The following DPYD variants were observed in gnomAD, a reference collection of about 807,000 sequenced individuals.
DPYD encodes dihydropyrimidine dehydrogenase.
Under a neutral mutation model 116.2 loss-of-function variants are expected in DPYD, and 109 were observed. The observed-to-expected ratio is 0.94, with a 90% confidence interval of 0.80 to 1.10. The LOEUF is 1.10. Ranked by LOEUF, DPYD falls within the 50% of genes least tolerant of loss-of-function variation. The pLI, the probability that DPYD is intolerant of heterozygous loss-of-function variation, is 0.00. For synonymous variants in DPYD, 440 were observed against 432.0 expected, an observed-to-expected ratio of 1.02 and a Z score of -0.23; for missense variants, 1,302 against 1,254.5, an observed-to-expected ratio of 1.04 and a Z score of -0.57.
At chr1:97,671,154 A>G (rs184977390) in intron 8 of DPYD, among the ~76,000 whole-genome samples, 103 of 152,174 alleles carry the variant, frequency 6.8e-4, no homozygotes, top group African/African-American at 2.3e-3. Context: ...CTTTTTTACA[A>G]TAATACGGAA....
intron 12 of DPYD, among the ~76,000 whole-genome samples, chr1:97,519,390 CA>C (rs1320850702): frequency 1.3e-5 from 2 of 152,126 alleles, no homozygotes; most frequent in Non-Finnish European, 2.9e-5. Context: ...GAGAACAGCA[CA>C]GGAAAGACCT....
chr1:97,768,407 T>C lies in DPYD; in HGVS notation c.234-27928A>G, dbSNP rs1665982374. Among the ~76,000 whole-genome samples, 7 of 152,192 alleles carry C rather than the reference T, an allele frequency of 4.6e-5. No individual in the cohort carries two copies. In the South Asian group the frequency reaches 1.4e-3, roughly 31 times the overall value. On this transcript the variant is annotated intron_variant, in intron 3 of 22. Coordinates refer to ENST00000370192, the MANE Select transcript of DPYD (RefSeq NM_000110.4). ...TGAATTGATTCTAAATACACTTTTTTGCAAGCATTGCCCAACATCATTATA... is the reference window on the plus strand; with the variant it reads ...TGAATTGATTCTAAATACACTTTTTCGCAAGCATTGCCCAACATCATTATA...
chr1:97,889,717 A>G (rs1244990338), intron 1 of DPYD, among the ~76,000 whole-genome samples: 1 of 152,074 alleles, frequency 6.6e-6, no homozygotes, highest in Non-Finnish European at 1.5e-5. Context: ...AAGACCAAAA[A>G]GGAAACAGAA....
At chr1:97,415,051 CTTCCTAAAGCTATAAAAGA>C (rs1386833328) in intron 14 of DPYD, among the ~76,000 whole-genome samples, 8 of 152,066 alleles carry the variant, frequency 5.3e-5, no homozygotes, top group African/African-American at 1.9e-4. Flanking sequence ...TGAAGCTACC[CTTCCTAAAGCTATAAAAGA>C]AGAAGGAGAA....
intron 22 of DPYD, among the ~76,000 whole-genome samples, chr1:97,080,061 G>C (rs990082415): frequency 8.6e-5 from 13 of 152,024 alleles, no homozygotes; most frequent in African/African-American, 3.1e-4. Flanking sequence ...GGAAGTTACA[G>C]GATTTCTATC....
At chr1:97,129,069 C>CTTT (rs532541559) in intron 20 of DPYD, among the ~76,000 whole-genome samples, 1,396 of 135,008 alleles carry the variant, frequency 0.01, 26 homozygotes, top group African/African-American at 0.035. Flanking sequence ...CTGCTGTATT[C>CTTT]TTTTTTTTTT....
intron 11 of DPYD, among the ~76,000 whole-genome samples, chr1:97,563,090 C>A (rs942552979): frequency 6.6e-6 from 1 of 152,086 alleles, no homozygotes; most frequent in Admixed American, 6.6e-5. Context: ...GAGTCAAGAA[C>A]AGAAACACAA....
chr1:97,629,832 T>C (rs886781340), intron 8 of DPYD, among the ~76,000 whole-genome samples: 3 of 152,116 alleles, frequency 2.0e-5, no homozygotes, highest in East Asian at 1.9e-4. Flanking sequence ...TATTCACCTA[T>C]GTAATGGGGG....
chr1:97,664,250 TTATAAA>T (rs1247409375), intron 8 of DPYD, among the ~76,000 whole-genome samples: 2 of 152,016 alleles, frequency 1.3e-5, no homozygotes, highest in African/African-American at 4.8e-5. Context: ...CTAAGGAAAC[TTATAAA>T]TATTAGATTT....
chr1:97,818,012 T>C (rs1408197271), intron 3 of DPYD, among the ~76,000 whole-genome samples: 1 of 152,024 alleles, frequency 6.6e-6, no homozygotes, highest in Non-Finnish European at 1.5e-5. Flanking sequence ...AAAAGCTGCA[T>C]CCCTTCTTTC....
At chr1:97,592,589 G>C (rs1654598346) in intron 10 of DPYD, among the ~76,000 whole-genome samples, 1 of 152,098 alleles carries the variant, frequency 6.6e-6, no homozygotes, top group Non-Finnish European at 1.5e-5. Context: ...GGATGGTCTT[G>C]ATCTCCTGAC....
At chr1:97,269,510 C>T (rs1664442031) in intron 18 of DPYD, among the ~76,000 whole-genome samples, 1 of 152,058 alleles carries the variant, frequency 6.6e-6, no homozygotes, top group African/African-American at 2.4e-5. Flanking sequence ...TGTCTTAGTC[C>T]ATTTTATAGT....
chr1:97,394,171 C>A (rs1343466218), intron 14 of DPYD: 1 of 151,992 alleles, frequency 6.6e-6, no homozygotes, highest in Non-Finnish European at 1.5e-5. Context: ...TGTTTAAGTT[C>A]TTTGTAGATT....
At chr1:97,515,480 A>T (rs2101974000) in intron 13 of DPYD, among the ~76,000 whole-genome samples, 2 of 152,108 alleles carry the variant, frequency 1.3e-5, no homozygotes, top group South Asian at 4.1e-4. Context: ...TAAATGAAAA[A>T]GTCACTTTCA....
At chr1:97,161,001 T>C (rs1161861496) in intron 20 of DPYD, among the ~76,000 whole-genome samples, 2 of 152,124 alleles carry the variant, frequency 1.3e-5, no homozygotes, top group African/African-American at 2.4e-5. Flanking sequence ...TCCCCAACCA[T>C]AGCAAAGCCT....
chr1:97,469,397 C>CAAAAAAAAAAAAAAAGAAAAA (rs1677504682), intron 13 of DPYD, among the ~76,000 whole-genome samples: 5 of 80,800 alleles, frequency 6.2e-5, no homozygotes, highest in Non-Finnish European at 8.6e-5. Context: ...GCTAAAATTG[C>CAAAAAAAAAAAAAAAGAAAAA]AAAAAAAAAA....
intron 4 of DPYD, 95 bp downstream of exon 4, chr1:97,740,297 G>T: frequency 3.8e-6 from 4 of 1,040,140 alleles, no homozygotes; most frequent in East Asian, 2.4e-5. Context: ...GGTTTAACTG[G>T]ATTTGCTAAG....
At chr1:97,318,660 T>C (rs1168855757) in intron 16 of DPYD, among the ~76,000 whole-genome samples, 1 of 151,396 alleles carries the variant, frequency 6.6e-6, no homozygotes, top group East Asian at 2.0e-4. Flanking sequence ...CTGTCAACAT[T>C]AGACAGATCA....
Position 97,573,747 on chromosome 1 carries a change from C to T in DPYD, c.1339+13G>A, listed in dbSNP as rs776142340. The T allele has an allele frequency of 1.2e-6, 2 of 1,613,170 alleles. No homozygotes were observed. The highest frequency in any genetic ancestry group is 1.7e-5 in the Admixed American group (1 of 59,936). On this transcript the variant is annotated intron_variant, in intron 11 of 22. Coordinates refer to ENST00000370192, the MANE Select transcript of DPYD (RefSeq NM_000110.4). Reference sequence around the variant, plus strand: ...GACAATTGCATCACACATTTCAGCTCCCAGCACTGTACCTTTAGGATCACT... The same window carrying T: ...GACAATTGCATCACACATTTCAGCTTCCAGCACTGTACCTTTAGGATCACT...
Sources: allele counts gnomAD v4.1 joint callset (sites outside exome capture counted in the v4.1 genomes callset), GRCh38; gene constraint gnomAD v4.1.1; transcripts MANE v1.5; gene names NCBI Gene and HGNC (gene_info 2026-07-23, HGNC 2026-07-21).